The following PJA2 variants were observed in gnomAD, a reference collection of about 807,000 sequenced individuals.
PJA2 encodes E3 ubiquitin-protein ligase Praja-2.
PJA2 carries 25 observed loss-of-function variants against 69.3 expected under a neutral mutation model. The ratio of observed to expected loss-of-function variants is 0.36; its 90% CI spans 0.26 to 0.50. The LOEUF is 0.50. Among genes scored for constraint, PJA2 ranks in the 20% least tolerant of loss-of-function variants. The pLI is 0.96. For synonymous variants in PJA2, 308 were observed against 277.8 expected, an observed-to-expected ratio of 1.11 and a Z score of -1.08; for missense variants, 809 against 830.2, an observed-to-expected ratio of 0.97 and a Z score of 0.31.
chr5:109,390,794 G>T (rs1316949977), intron 1 of PJA2: 1 of 151,946 alleles, frequency 6.6e-6, no homozygotes, highest in East Asian at 1.9e-4. Context: ...ATGTATGCTG[G>T]ATGATATTTC....
chr5:109,379,066 G>T lies in PJA2; in HGVS notation c.421C>A (p.His141Asn). Reference protein sequence around the residue: ...TLGSSTNLHNHSEGEYIPGAC... With the variant: ...TLGSSTNLHNNSEGEYIPGAC... ...CCTGGAATATACTCTCCCTCAGAGTGATTATGAAGATTTGTACTGCTTCCT... is the reference window on the plus strand; with the variant it reads ...CCTGGAATATACTCTCCCTCAGAGTTATTATGAAGATTTGTACTGCTTCCT... Residue 141 changes from histidine to asparagine, a missense_variant, in exon 4 of 10, where the codon CAC (histidine) becomes AAC (asparagine). His to Asn is a moderately conservative substitution (Grantham distance 68). This residue lies in a region of PJA2 where 700 missense variants were observed against 639.5 expected (regional missense o/e 1.09). Coordinates refer to ENST00000361189, the MANE Select transcript of PJA2 (RefSeq NM_014819.5). 1 of 1,614,094 alleles carries T rather than the reference G, an allele frequency of 6.2e-7. No homozygotes were observed. Among genetic ancestry groups the T allele is most frequent in the Non-Finnish European group, 8.5e-7 (1 of 1,179,998 alleles).
intron 7 of PJA2, among the ~76,000 whole-genome samples, chr5:109,348,716 TA>T (rs1762207321): frequency 1.3e-5 from 2 of 149,922 alleles, no homozygotes; most frequent in South Asian, 4.2e-4. Flanking sequence ...AGGTCTGGGT[TA>T]TTCTACCAAG....
chr5:109,354,088 C>A (rs1762344928), intron 7 of PJA2, among the ~76,000 whole-genome samples: 1 of 117,354 alleles, frequency 8.5e-6, no homozygotes, highest in Non-Finnish European at 1.8e-5. Flanking sequence ...GATTAGATAT[C>A]TATATCTAGA....
intron 7 of PJA2, 134 bp from the exon 8 acceptor site, chr5:109,344,953 C>T (rs866654011): frequency 1.0e-4 from 56 of 536,200 alleles, no homozygotes; most frequent in African/African-American, 8.5e-4. Flanking sequence ...GTCCTTTGCT[C>T]CTTTTGCCTC....
intron 6 of PJA2, among the ~76,000 whole-genome samples, chr5:109,356,957 T>G (rs1383340874): frequency 6.6e-6 from 1 of 152,204 alleles, no homozygotes; most frequent in African/African-American, 2.4e-5. Flanking sequence ...TCCTCTAGTC[T>G]TGGAAATACT....
chr5:109,356,044 T>C lies in PJA2; in HGVS notation c.1653-18A>G. 6.7e-7 allele frequency: 1 copy of C among 1,486,762 alleles called. No individual in the cohort carries two copies. Among genetic ancestry groups the C allele is most frequent in the Non-Finnish European group, 9.3e-7 (1 of 1,079,906 alleles). The allele number at this position is 1,486,762 out of a possible 1,614,324, so 92.1% of individuals were successfully genotyped here. On this transcript the variant is annotated intron_variant, in intron 6 of 9. Transcript: ENST00000361189. ...CAAATAGGCTGAAAAAAAAAAAAAA[T>C]AACAGAAAAAACTCACCACTATGAT...
chr5:109,393,209 C>A (rs969721405), intron 1 of PJA2, among the ~76,000 whole-genome samples: 2 of 151,970 alleles, frequency 1.3e-5, no homozygotes, highest in African/African-American at 2.4e-5. Flanking sequence ...GAAAAGGTTA[C>A]CCAAATGGCT....
At chr5:109,373,090 T>C (rs1184442055) in intron 4 of PJA2, among the ~76,000 whole-genome samples, 1 of 151,776 alleles carries the variant, frequency 6.6e-6, no homozygotes, top group African/African-American at 2.4e-5. Flanking sequence ...CGAGACTGTC[T>C]CAATAAAAAA....
chr5:109,352,162 T>C (rs1762264921), intron 7 of PJA2, among the ~76,000 whole-genome samples: 1 of 152,178 alleles, frequency 6.6e-6, no homozygotes, highest in South Asian at 2.1e-4. Flanking sequence ...CCAACAATGT[T>C]TGAGACTGCA....
intron 4 of PJA2, among the ~76,000 whole-genome samples, chr5:109,374,393 T>C (rs1459548575): frequency 2.0e-5 from 3 of 152,180 alleles, no homozygotes; most frequent in Non-Finnish European, 1.5e-5. Context: ...TTGTTGGGGG[T>C]AGTACCAAGT....
intron 2 of PJA2, among the ~76,000 whole-genome samples, chr5:109,382,927 T>C (rs1747083893): frequency 6.6e-6 from 1 of 151,590 alleles, no homozygotes; most frequent in African/African-American, 2.4e-5. Context: ...AGAAATATAA[T>C]CACTTCCAAG....
At chr5:109,406,260 TG>T (rs1747691291) in intron 1 of PJA2, among the ~76,000 whole-genome samples, 1 of 152,174 alleles carries the variant, frequency 6.6e-6, no homozygotes. Context: ...CAGGATGGTC[TG>T]GATCTCCTGA....
intron 2 of PJA2, 94 bp downstream of exon 2, chr5:109,383,309 A>G: frequency 1.8e-6 from 2 of 1,101,404 alleles, no homozygotes; most frequent in East Asian, 4.8e-5. Context: ...TAGTAAGACC[A>G]CAGGTCAGAT....
At chr5:109,409,559 A>G (rs1261245435) in intron 1 of PJA2, among the ~76,000 whole-genome samples, 2 of 152,082 alleles carry the variant, frequency 1.3e-5, no homozygotes, top group African/African-American at 4.8e-5. Flanking sequence ...GAAGACCCCG[A>G]TACCAACCAA....
At chr5:109,368,329 T>C (rs767641026) in intron 5 of PJA2, among the ~76,000 whole-genome samples, 1 of 152,194 alleles carries the variant, frequency 6.6e-6, no homozygotes, top group Admixed American at 6.5e-5. Flanking sequence ...ACTTTTCTTA[T>C]TAAAGCCAAG....
At chr5:109,358,070 G>GCC (rs570535089) in intron 6 of PJA2, among the ~76,000 whole-genome samples, 50 of 152,276 alleles carry the variant, frequency 3.3e-4, no homozygotes, top group African/African-American at 1.2e-3. Flanking sequence ...CCAAAATCTG[G>GCC]CCATAAACTG....
At chr5:109,406,291 C>T (rs904578041) in intron 1 of PJA2, among the ~76,000 whole-genome samples, 1 of 152,182 alleles carries the variant, frequency 6.6e-6, no homozygotes, top group Non-Finnish European at 1.5e-5. Context: ...CCGCCTGCCT[C>T]GGACTCCCAA....
intron 9 of PJA2, 29 bp from the exon 10 acceptor site, chr5:109,337,385 C>T: frequency 6.4e-7 from 1 of 1,556,140 alleles, no homozygotes; most frequent in East Asian, 2.4e-5. Flanking sequence ...TTAAGAGCCA[C>T]CAGAATCATC....
chr5:109,383,117 T>C (rs980622891), intron 2 of PJA2, among the ~76,000 whole-genome samples: 2 of 152,186 alleles, frequency 1.3e-5, no homozygotes, highest in African/African-American at 4.8e-5. Flanking sequence ...AATCCAAAAG[T>C]ATGACTCCAG....
Sources: allele counts gnomAD v4.1 joint callset (sites outside exome capture counted in the v4.1 genomes callset), GRCh38; gene constraint gnomAD v4.1.1; regional missense constraint gnomAD v4.1.1; transcripts MANE v1.5; gene names NCBI Gene and HGNC (gene_info 2026-07-23, HGNC 2026-07-21).